SPATA31H1: variants seen among roughly 807,000 people sequenced by gnomAD.
The protein encoded by SPATA31H1 is spermatogenesis-associated protein 31H1.
chr2:27,576,668 G>C, the SPATA31H1 span: 19 of 1,613,816 alleles, frequency 1.2e-5, no homozygotes, highest in Non-Finnish European at 1.2e-5. Context: ...TGGTACCAGA[G>C]CCAACTAGGA....
chr2:27,546,793 A>G, the SPATA31H1 span, among the ~76,000 whole-genome samples: 1 of 151,992 alleles, frequency 6.6e-6, no homozygotes, highest in South Asian at 2.1e-4. Flanking sequence ...TTGGCCTCCC[A>G]AAGTGTAGGA....
chr2:27,569,245 C>T, the SPATA31H1 span: 1 of 398,886 alleles, frequency 2.5e-6, no homozygotes, highest in South Asian at 1.3e-4. Flanking sequence ...GGGGTGACCA[C>T]AGAGCCACAG....
At chr2:27,560,639 A>G in the SPATA31H1 span, among the ~76,000 whole-genome samples, 1 of 151,962 alleles carries the variant, frequency 6.6e-6, no homozygotes, top group African/African-American at 2.4e-5. Flanking sequence ...TTGTATTTTT[A>G]GTAGAGACGG....
At chr2:27,556,901 A>C in the SPATA31H1 span, among the ~76,000 whole-genome samples, 1 of 93,040 alleles carries the variant, frequency 1.1e-5, no homozygotes, top group African/African-American at 4.4e-5. Flanking sequence ...AAGATTAGGG[A>C]GTGGTGATGA....
chr2:27,567,441 A>C, the SPATA31H1 span: 15 of 434,318 alleles, frequency 3.5e-5, no homozygotes, highest in Non-Finnish European at 5.7e-5. Flanking sequence ...CATTCATCAA[A>C]ACACTGAGCA....
chr2:27,582,528 GGCGAGGTCCGCCCC>G, the SPATA31H1 span: 1 of 1,590,056 alleles, frequency 6.3e-7, no homozygotes, highest in Non-Finnish European at 8.5e-7. Flanking sequence ...TACTCGATGA[GGCGAGGTCCGCCCC>G]TATTATTCAT....
chr2:27,550,197 T>C, the SPATA31H1 span, among the ~76,000 whole-genome samples: 2 of 150,834 alleles, frequency 1.3e-5, no homozygotes, highest in Admixed American at 1.3e-4. Flanking sequence ...CTCTACAATG[T>C]TCAATAGAGA....
the SPATA31H1 span, chr2:27,578,048 G>A: frequency 6.2e-7 from 1 of 1,614,140 alleles, no homozygotes; most frequent in Non-Finnish European, 8.5e-7. Context: ...CAAGGACACA[G>A]CTTCAAGTTG....
At chr2:27,561,405 CTG>C in the SPATA31H1 span, among the ~76,000 whole-genome samples, 1 of 152,190 alleles carries the variant, frequency 6.6e-6, no homozygotes, top group Non-Finnish European at 1.5e-5. Context: ...CATGTTTACA[CTG>C]TGGATTGATT....
the SPATA31H1 span, among the ~76,000 whole-genome samples, chr2:27,557,809 G>A: frequency 1.7e-5 from 1 of 58,946 alleles, no homozygotes; most frequent in African/African-American, 8.6e-5. Flanking sequence ...CTGGCCAGGC[G>A]GGGGGCTGAC....
the SPATA31H1 span, among the ~76,000 whole-genome samples, chr2:27,545,445 G>C: frequency 6.6e-6 from 1 of 151,974 alleles, no homozygotes; most frequent in Non-Finnish European, 1.5e-5. Context: ...GAATTGCTTG[G>C]TCATGTGGTA....
At chr2:27,564,455 AT>A in the SPATA31H1 span, among the ~76,000 whole-genome samples, 1 of 151,926 alleles carries the variant, frequency 6.6e-6, no homozygotes, top group African/African-American at 2.4e-5. Context: ...ATGTTTTTCA[AT>A]TTTCTCCTTA....
At chr2:27,571,704 G>T in the SPATA31H1 span, 11 of 398,346 alleles carry the variant, frequency 2.8e-5, no homozygotes, top group African/African-American at 1.4e-4. Flanking sequence ...ACAAATGCAA[G>T]ATATGAAATT....
the SPATA31H1 span, chr2:27,578,616 C>T: frequency 9.3e-6 from 15 of 1,614,058 alleles, no homozygotes; most frequent in East Asian, 3.3e-4. Context: ...TAAACAAGGG[C>T]TTCAGGCTGT....
At chr2:27,582,479 T>C in the SPATA31H1 span, 6 of 1,612,834 alleles carry the variant, frequency 3.7e-6, no homozygotes, top group African/African-American at 8.0e-5. Context: ...GGACCACACA[T>C]AAAAATCCCA....
the SPATA31H1 span, chr2:27,581,201 C>G: frequency 8.7e-6 from 14 of 1,614,232 alleles, no homozygotes; most frequent in Non-Finnish European, 1.1e-5. Flanking sequence ...ACCACCCCAG[C>G]TTCTATAGGG....
At chr2:27,541,387 A>C in the SPATA31H1 span, among the ~76,000 whole-genome samples, 22 of 151,034 alleles carry the variant, frequency 1.5e-4, no homozygotes, top group East Asian at 4.1e-3. Flanking sequence ...AGACCGTGGA[A>C]GGAGACCGTG....
At chr2:27,561,874 AT>A in the SPATA31H1 span, among the ~76,000 whole-genome samples, 10 of 152,090 alleles carry the variant, frequency 6.6e-5, no homozygotes, top group African/African-American at 2.4e-4. Context: ...AGCTTTTTGT[AT>A]TTTTTTGTAG....
At chr2:27,545,553 T>C in the SPATA31H1 span, among the ~76,000 whole-genome samples, 1 of 150,800 alleles carries the variant, frequency 6.6e-6, no homozygotes, top group Non-Finnish European at 1.5e-5. Flanking sequence ...TTGCCAACAC[T>C]TGGCATTGTC....
Sources: gnomAD v4.1 joint callset for allele counts (sites outside exome capture counted in the v4.1 genomes callset) on GRCh38, gnomAD v4.1.1 for gene constraint, MANE v1.5 for transcripts, NCBI Gene and HGNC (gene_info 2026-07-23, HGNC 2026-07-21) for gene names.